CD55: variants seen among roughly 807,000 people sequenced by gnomAD.
The protein encoded by CD55 is CD55 molecule (Cromer blood group).
A neutral mutation model predicts 45.8 loss-of-function variants in CD55; 41 were observed. The observed-to-expected ratio is 0.90, with a 90% CI of 0.70 to 1.16. The LOEUF (loss-of-function observed/expected upper bound fraction) is 1.16. Ranked by LOEUF, CD55 falls within the 50% of genes most tolerant of loss-of-function variation. The pLI is 0.00. For missense variants in CD55, 416 were observed against 469.8 expected, an observed-to-expected ratio of 0.89 and a Z score of 1.06; for synonymous variants, 181 against 181.1, an observed-to-expected ratio of 1.00 and a Z score of 0.01.
intron 9 of CD55, among the ~76,000 whole-genome samples, chr1:207,345,164 G>C (rs932004101): frequency 6.6e-6 from 1 of 152,064 alleles, no homozygotes; most frequent in African/African-American, 2.4e-5. Context: ...CACCTTCTGA[G>C]ACTCCTAAAA....
rs879028717 is a variant in CD55, at chr1:207,336,739, C to T, written c.900C>T (p.Thr300=). 6.2e-7 allele frequency: 1 copy of T among 1,613,688 alleles called. No individual in the cohort carries two copies. Among genetic ancestry groups the T allele is most frequent in the East Asian group, 2.2e-5 (1 of 44,894 alleles). ...TCCCACCAACAGTTCAGAAACCTAC[C>T]ACAGTAAATGTTCCAACTACAGAAG... The part of the protein sequence containing the change: ...SKVPPTVQKP[T]TVNVPTTEVS... Residue 300 remains threonine (T), a synonymous_variant, in exon 7 of 10, where the codon ACC becomes ACT. Coordinates refer to ENST00000367064, the MANE Select transcript of CD55 (RefSeq NM_000574.5).
intron 6 of CD55, among the ~76,000 whole-genome samples, chr1:207,333,011 T>TA (rs1301337579): frequency 1.3e-5 from 2 of 152,234 alleles, no homozygotes; most frequent in African/African-American, 4.8e-5. Context: ...GATAGGGTAA[T>TA]ACACTGGAAA....
intron 9 of CD55, among the ~76,000 whole-genome samples, chr1:207,352,253 G>T (rs12093080): frequency 9.4e-5 from 14 of 149,184 alleles, no homozygotes; most frequent in African/African-American, 2.2e-4. Flanking sequence ...TTTGTGGGGG[G>T]TGGGGGGTGC....
chr1:207,337,015 T>C (rs1655207053), intron 7 of CD55, 197 bp downstream of exon 7: 3 of 655,432 alleles, frequency 4.6e-6, no homozygotes, highest in Non-Finnish European at 7.9e-6. Flanking sequence ...CCATAGTAAA[T>C]GTTTCAGCTA....
At chr1:207,325,486 T>C (rs1654638500) in intron 3 of CD55, 136 bp from the exon 4 acceptor site, 1 of 504,094 alleles carries the variant, frequency 2.0e-6, no homozygotes, top group Non-Finnish European at 3.5e-6. Context: ...CAACATGATG[T>C]TTTGATATAT....
At chr1:207,326,946 AC>A (rs1654714119) in intron 5 of CD55, 109 bp downstream of exon 5, 2 of 703,084 alleles carry the variant, frequency 2.8e-6, no homozygotes, top group Non-Finnish European at 4.8e-6. Context: ...TAGCAAACCC[AC>A]CTTTCAATAT....
chr1:207,358,440 T>C (rs748631127), intron 9 of CD55: 13 of 152,208 alleles, frequency 8.5e-5, no homozygotes, highest in Non-Finnish European at 1.8e-4. Flanking sequence ...TGTAAGCAGA[T>C]GCCTGACTTC....
chr1:207,335,986 C>T (rs996522516), intron 6 of CD55, among the ~76,000 whole-genome samples: 2 of 152,164 alleles, frequency 1.3e-5, no homozygotes, highest in Non-Finnish European at 2.9e-5. Context: ...TGAAATCAGG[C>T]TTCGGCACTA....
In CD55 at chr1:207,326,740, C is replaced by T. The variant is rs759142695; in HGVS notation, c.579-12C>T. ...ATGTAACAAACTCTTTTTTCTTCCC[C>T]TGTTGCTTTAGGTACAAATTATTTG... On this transcript the variant is annotated splice_polypyrimidine_tract_variant and intron_variant, in intron 4 of 9. Transcript: ENST00000367064. The T allele has an allele frequency of 2.5e-6, 4 of 1,604,764 alleles. No homozygotes were observed. The East Asian group carries it at 8.9e-5, about 36-fold the overall frequency.
intron 5 of CD55, among the ~76,000 whole-genome samples, chr1:207,328,519 T>C (rs1464314584): frequency 6.6e-6 from 1 of 152,216 alleles, no homozygotes; most frequent in Admixed American, 6.5e-5. Context: ...AGTGGACACA[T>C]TCACTAATTG....
Position 207,359,598 on chromosome 1 carries a change from C to A in CD55, c.1134C>A (p.Gly378=). The change falls in exon 10 of 10, where the codon GGC becomes GGA. Residue 378 remains glycine (G), a synonymous_variant. Coordinates refer to ENST00000367064, the MANE Select transcript of CD55 (RefSeq NM_000574.5). The part of the protein sequence containing the change: ...TGLLGTLVTM[G]LLT ...TGCTTGGGACGCTAGTAACCATGGG[C>A]TTGCTGACTTAGCCAAAGAAGAGTT... 6.3e-7 allele frequency: 1 copy of A among 1,585,616 alleles called. No homozygotes were observed. The highest frequency in any genetic ancestry group is 1.8e-5 in the Admixed American group (1 of 54,964).
intron 3 of CD55, among the ~76,000 whole-genome samples, chr1:207,325,241 A>G (rs1654621124): frequency 6.6e-6 from 1 of 151,416 alleles, no homozygotes; most frequent in Non-Finnish European, 1.5e-5. Flanking sequence ...AGGCTGAGGC[A>G]GGAGAATCCC....
intron 9 of CD55, among the ~76,000 whole-genome samples, chr1:207,358,232 T>G (rs531660478): frequency 1.3e-5 from 2 of 152,278 alleles, no homozygotes; most frequent in South Asian, 4.1e-4. Context: ...AGAGCTAGCT[T>G]TATATATGTT....
Position 207,359,516 on chromosome 1 carries a change from C to CTTTTTT in CD55, c.1082-15_1082-10dup, listed in dbSNP as rs56236833. The stretch of plus-strand genomic sequence containing the variant: ...GTAAATAAAATCATTTTGATTTTAA[C>CTTTTTT]TTTTTTTTTTTTTTTTTTTTAATTT... On this transcript the variant is annotated intron_variant, in intron 9 of 9. Transcript: ENST00000367064. The CTTTTTT allele has an allele frequency of 1.2e-4, 158 of 1,284,416 alleles. 1 individual carries two copies. Among genetic ancestry groups the CTTTTTT allele is most frequent in the South Asian group, 3.7e-4 (24 of 64,322 alleles). The allele number at this position is 1,284,416 out of a possible 1,614,324, so 79.6% of individuals were successfully genotyped here.
intron 9 of CD55, among the ~76,000 whole-genome samples, chr1:207,340,140 C>T (rs1655358749): frequency 6.6e-6 from 1 of 152,118 alleles, no homozygotes; most frequent in Non-Finnish European, 1.5e-5. Flanking sequence ...CTTTTCTCAG[C>T]CTCTGGTATC....
Position 207,339,385 on chromosome 1 carries a change from C to G in CD55, c.1061-12C>G, listed in dbSNP as rs767328613. 16 of 1,598,266 alleles carry G rather than the reference C, an allele frequency of 1.0e-5. No homozygotes were observed. In the Admixed American group the frequency reaches 2.8e-4, roughly 28 times the overall value. On this transcript the variant is annotated splice_polypyrimidine_tract_variant and intron_variant, in intron 8 of 9. Coordinates refer to ENST00000367064, the MANE Select transcript of CD55 (RefSeq NM_000574.5). Reference sequence around the variant, plus strand: ...TTTTGTTGTTAATCCTTTTTTTCCCCTTCGTCTGTAGGTACTACCCGTCTT... The same window carrying G: ...TTTTGTTGTTAATCCTTTTTTTCCCGTTCGTCTGTAGGTACTACCCGTCTT...
At chr1:207,322,707 C>G in intron 2 of CD55, 140 bp downstream of exon 2, 1 of 674,022 alleles carries the variant, frequency 1.5e-6, no homozygotes, top group East Asian at 2.9e-5. Flanking sequence ...GCACGTCACA[C>G]TCCAGCTAAT....
chr1:207,353,040 G>GTTTTTTTTTTTTT (rs386369456), intron 9 of CD55, among the ~76,000 whole-genome samples: 1 of 47,406 alleles, frequency 2.1e-5, no homozygotes, highest in Non-Finnish European at 3.7e-5. Flanking sequence ...CTATTACCAG[G>GTTTTTTTTTTTTT]TTTTTTTTTT....
At chr1:207,344,233 TTCTC>T (rs1340670447) in intron 9 of CD55, among the ~76,000 whole-genome samples, 1 of 152,240 alleles carries the variant, frequency 6.6e-6, no homozygotes, top group African/African-American at 2.4e-5. Flanking sequence ...GTTCCTTTTG[TTCTC>T]TCTTATTATT....
Sources: gnomAD v4.1 joint callset for allele counts (sites outside exome capture counted in the v4.1 genomes callset) on GRCh38, gnomAD v4.1.1 for gene constraint, MANE v1.5 for transcripts, NCBI Gene and HGNC (gene_info 2026-07-23, HGNC 2026-07-21) for gene names.